NHS: variants seen among roughly 807,000 people sequenced by gnomAD.
NHS encodes actin remodeling regulator NHS.
A neutral mutation model predicts 72.5 loss-of-function variants in NHS; 5 were observed. The observed-to-expected ratio is 0.07, with a 90% confidence interval of 0.04 to 0.14. The LOEUF (loss-of-function observed/expected upper bound fraction) is 0.14. NHS is among the 10% of genes least tolerant of loss of function. NHS has a pLI of 1.00. For synonymous variants in NHS, 464 were observed against 547.7 expected (o/e 0.85, Z 2.13); for missense variants, 1,072 against 1,355.7 (o/e 0.79, Z 3.29).
chrX:17,496,932 C>G (rs1237674739), intron 1 of NHS, among the ~76,000 whole-genome samples: 1 of 111,745 alleles, frequency 8.9e-6, no homozygotes, highest in Non-Finnish European at 1.9e-5. Flanking sequence ...ATCTGATGCC[C>G]TTAAACTAAA....
At chrX:17,521,343 T>G (rs1201338760) in intron 1 of NHS, among the ~76,000 whole-genome samples, 2 of 108,760 alleles carry the variant, frequency 1.8e-5, no homozygotes, top group African/African-American at 6.9e-5. Flanking sequence ...CTCCAGTGAG[T>G]TCTACCTTTT....
intron 1 of NHS, among the ~76,000 whole-genome samples, chrX:17,642,201 T>G (rs1601813655): frequency 8.9e-6 from 1 of 112,223 alleles, no homozygotes; most frequent in South Asian, 3.7e-4. Context: ...CCTCCTCGGC[T>G]TCCCAAAGTG....
intron 1 of NHS, among the ~76,000 whole-genome samples, chrX:17,608,152 C>T (rs899256634): frequency 2.7e-5 from 3 of 110,058 alleles, no homozygotes; most frequent in Non-Finnish European, 5.7e-5. Flanking sequence ...TGGGCTTGAG[C>T]GATCCCCCTG....
At chrX:17,454,751 T>G (rs991405690) in intron 1 of NHS, among the ~76,000 whole-genome samples, 1 of 111,638 alleles carries the variant, frequency 9.0e-6, no homozygotes, top group Non-Finnish European at 1.9e-5. Flanking sequence ...AGAACAAAAT[T>G]TTATGAGTGC....
intron 1 of NHS, among the ~76,000 whole-genome samples, chrX:17,461,660 C>T (rs2064848070): frequency 8.9e-6 from 1 of 112,857 alleles, no homozygotes; most frequent in African/African-American, 3.2e-5. Flanking sequence ...TAATAAACCA[C>T]CCCAACACTT....
chrX:17,611,393 A>G (rs1374747961), intron 1 of NHS, among the ~76,000 whole-genome samples: 1 of 112,185 alleles, frequency 8.9e-6, no homozygotes, highest in African/African-American at 3.2e-5. Flanking sequence ...GTGCCTGCAC[A>G]TATGGACCCA....
At chrX:17,646,619 C>T (rs2065906980) in intron 1 of NHS, among the ~76,000 whole-genome samples, 1 of 111,946 alleles carries the variant, frequency 8.9e-6, no homozygotes, top group South Asian at 3.7e-4. Flanking sequence ...AGCCTAGAGC[C>T]TTAATCCACT....
intron 1 of NHS, among the ~76,000 whole-genome samples, chrX:17,632,643 T>C (rs1301419382): frequency 9.0e-6 from 1 of 111,469 alleles, no homozygotes; most frequent in African/African-American, 3.3e-5. Flanking sequence ...GCTTAATAGT[T>C]CTGTGACCTT....
At chrX:17,710,668 G>A (rs1478407054) in intron 3 of NHS, among the ~76,000 whole-genome samples, 1 of 111,597 alleles carries the variant, frequency 9.0e-6, no homozygotes, top group Non-Finnish European at 1.9e-5. Context: ...CCACAGGGGA[G>A]TTTTGGGGGA....
rs777030121 is a variant in NHS at position 17,724,528 on chromosome X, A to T, written c.1240+98A>T. On this transcript the variant is annotated intron_variant, in intron 6 of 8. Coordinates refer to ENST00000676302, the MANE Select transcript of NHS (RefSeq NM_001291867.2). ...AATGATTAAACATTTTAACTTGTAG[A>T]GGTTTTAAAATGGTGTCTATTTGTT... The T allele has an allele frequency of 2.5e-5, 27 of 1,097,343 alleles. No individual in the cohort carries two copies. The East Asian group carries it at 6.9e-4, about 28-fold the overall frequency. The allele number at this position is 1,097,343 out of a possible 1,213,427, so 90.4% of individuals were successfully genotyped here.
At chrX:17,527,241 T>C (rs1289525337) in intron 1 of NHS, among the ~76,000 whole-genome samples, 1 of 113,060 alleles carries the variant, frequency 8.8e-6, no homozygotes, top group South Asian at 3.6e-4. Context: ...TAGCCTTTAT[T>C]AAGTGCATTG....
At chrX:17,694,562 AC>A (rs1194594061) in intron 3 of NHS, among the ~76,000 whole-genome samples, 1 of 112,160 alleles carries the variant, frequency 8.9e-6, no homozygotes, top group Non-Finnish European at 1.9e-5. Context: ...ATTGTACTGT[AC>A]CTTGGTCATT....
intron 1 of NHS, among the ~76,000 whole-genome samples, chrX:17,481,885 T>C (rs1429612993): frequency 8.9e-6 from 1 of 112,277 alleles, no homozygotes; most frequent in Non-Finnish European, 1.9e-5. Context: ...TCATATAGAA[T>C]ACAGTTTTCA....
chrX:17,429,038 A>G (rs1356847387), intron 1 of NHS, among the ~76,000 whole-genome samples: 2 of 111,962 alleles, frequency 1.8e-5, no homozygotes, highest in East Asian at 2.8e-4. Flanking sequence ...GGAGACAACA[A>G]TAGTCATTGT....
chrX:17,450,046 C>T (rs1033475216), intron 1 of NHS, among the ~76,000 whole-genome samples: 2 of 111,413 alleles, frequency 1.8e-5, no homozygotes, highest in African/African-American at 6.5e-5. Flanking sequence ...TGCCAAGCTG[C>T]GGGGAATGGT....
chrX:17,555,117 C>T (rs760849240), intron 1 of NHS, among the ~76,000 whole-genome samples: 2 of 110,851 alleles, frequency 1.8e-5, no homozygotes, highest in Admixed American at 9.6e-5. Context: ...ACTACAGTGA[C>T]CGTTAATCTT....
chrX:17,418,614 A>G (rs1769518546), intron 1 of NHS, among the ~76,000 whole-genome samples: 1 of 111,845 alleles, frequency 8.9e-6, no homozygotes, highest in Non-Finnish European at 1.9e-5. Flanking sequence ...ATAAATCTCT[A>G]TTATCTGAGG....
At chrX:17,511,371 T>C (rs2065087021) in intron 1 of NHS, among the ~76,000 whole-genome samples, 1 of 111,774 alleles carries the variant, frequency 8.9e-6, no homozygotes, top group African/African-American at 3.3e-5. Context: ...CCCTGTCACA[T>C]AGTATAGGAA....
intron 1 of NHS, among the ~76,000 whole-genome samples, chrX:17,421,266 C>CAT (rs112116192): frequency 0.094 from 10,137 of 108,084 alleles, 1,256 homozygotes; most frequent in African/African-American, 0.33. Context: ...CACACACACA[C>CAT]GCCAGCCTGG....
Sources: allele counts gnomAD v4.1 joint callset (sites outside exome capture counted in the v4.1 genomes callset), GRCh38; gene constraint gnomAD v4.1.1; transcripts MANE v1.5; gene names NCBI Gene and HGNC (gene_info 2026-07-23, HGNC 2026-07-21).